Variants in PRPF31 observed in about 807,000 individuals in gnomAD.
PRPF31 encodes the protein U4/U6 small nuclear ribonucleoprotein Prp31.
A neutral mutation model predicts 60.4 loss-of-function variants in PRPF31; 12 were observed. The observed-to-expected ratio is 0.20, with a 90% confidence interval of 0.13 to 0.32. The LOEUF (loss-of-function observed/expected upper bound fraction) is 0.32, where lower values mean the gene tolerates loss of function less well. Ranked by LOEUF, PRPF31 falls within the 10% of genes least tolerant of loss-of-function variation. The pLI, the probability that PRPF31 is intolerant of heterozygous loss-of-function variation, is 1.00. For missense variants in PRPF31, 431 were observed against 687.1 expected (o/e 0.63, Z 4.17); for synonymous variants, 287 against 287.9 (o/e 1.00, Z 0.03).
rs1375222915 is a variant in PRPF31, at chr19:54,118,400, T to C, written c.122T>C (p.Leu41Pro). 6.2e-7 allele frequency: 1 copy of C among 1,614,086 alleles called. No homozygotes were observed. Among genetic ancestry groups the C allele is most frequent in the African/African-American group, 1.3e-5 (1 of 75,008 alleles). ...AIEDVQEETQ[L>P]DLSGDSVKTI... ...GAGGATGTGCAGGAGGAGACACAGC[T>C]GGATCTTTCCGGGGATTCAGTCAAG... The change falls in exon 2 of 14, where the codon CTG becomes CCG. Residue 41 changes from leucine to proline, a missense_variant. Leu to Pro is a moderately conservative substitution (Grantham distance 98). This residue lies in a region of PRPF31 where 113 missense variants were observed against 173.8 expected (regional missense o/e 0.65). Transcript: ENST00000321030.
intron 5 of PRPF31, 49 bp downstream of exon 5, chr19:54,122,643 G>A (rs749327560): frequency 8.1e-6 from 12 of 1,486,118 alleles, no homozygotes; most frequent in African/African-American, 6.9e-5. Context: ...AGGGGCAGGC[G>A]GGGCTCACTC....
At position 54,131,574 on chromosome 19, in the gene PRPF31, G is replaced by GGA; in HGVS notation, c.*143_*144dup. 2.3e-6 allele frequency: 3 copies of GGA among 1,325,838 alleles called. No homozygotes were observed. The highest frequency in any genetic ancestry group is 3.2e-6 in the Non-Finnish European group (3 of 950,340). The allele number at this position is 1,325,838 out of a possible 1,614,324, so 82.1% of individuals were successfully genotyped here. On this transcript the variant is annotated 3_prime_UTR_variant, in exon 14 of 14. Coordinates refer to ENST00000321030, the MANE Select transcript of PRPF31 (RefSeq NM_015629.4). ...TGGGACTGCCCAGGGAGGAGGCCTT[G>GGA]GAAGAGTCCGGCCTGGCCTCCCCCA...
chr19:54,117,875 A>T (rs1418564470), intron 1 of PRPF31, among the ~76,000 whole-genome samples: 2 of 152,114 alleles, frequency 1.3e-5, no homozygotes, highest in African/African-American at 4.8e-5. Context: ...AATAAAGATT[A>T]GCCCCTGGAA....
At chr19:54,122,198 G>T (rs978928283) in intron 4 of PRPF31, 12 of 626,082 alleles carry the variant, frequency 1.9e-5, no homozygotes, top group Non-Finnish European at 3.1e-5. Flanking sequence ...TCGGCCACCT[G>T]CCTCACGGTG....
At chr19:54,127,967 T>A in intron 9 of PRPF31, 106 bp from the exon 10 acceptor site, 1 of 1,470,062 alleles carries the variant, frequency 6.8e-7, no homozygotes, top group Non-Finnish European at 9.3e-7. Context: ...CAGCATTAGG[T>A]GCTGATTTAA....
intron 1 of PRPF31, among the ~76,000 whole-genome samples, chr19:54,116,971 C>T (rs587657358): frequency 2.6e-5 from 4 of 152,208 alleles, no homozygotes; most frequent in African/African-American, 9.6e-5. Context: ...TGGTGCGTGC[C>T]TGTCATCTCA....
chr19:54,115,833 G>A (rs1384373547), intron 1 of PRPF31, 36 bp downstream of exon 1: 1 of 211,716 alleles, frequency 4.7e-6, no homozygotes, highest in East Asian at 7.4e-5. Flanking sequence ...GCGGGAGGCT[G>A]GGCTCCTGGG....
rs1318755712 is a variant in PRPF31, at chr19:54,131,184, G to A, written c.1375-123G>A. On this transcript the variant is annotated intron_variant, in intron 13 of 13. Coordinates refer to ENST00000321030, the MANE Select transcript of PRPF31 (RefSeq NM_015629.4). ...CAAGACAGGGCAACTCCAGGGACAG[G>A]CAAACTGTCTCATGCCCACCAAGGC... 1.6e-5 allele frequency: 22 copies of A among 1,398,872 alleles called. No individual in the cohort carries two copies. The Admixed American group carries it at 3.6e-4, about 23-fold the overall frequency. 86.7% of individuals were successfully genotyped at this position (1,398,872 alleles called of 1,614,324 possible). A position where few individuals can be genotyped will look rare whatever the true frequency, so the allele number is the denominator to read the frequency against.
chr19:54,124,590 G>T lies in PRPF31; in HGVS notation c.789G>T (p.Ser263=), dbSNP rs760581700. The change falls in exon 8 of 14, where the codon TCG becomes TCT. Residue 263 remains serine (S), a synonymous_variant. Transcript: ENST00000321030. ...AGCGCAAGACGCTGTCGGGCTTCTC[G>T]TCTACCTCAGTGCTGCCCCACACCG... The part of the protein sequence containing the change: ...GAQRKTLSGF[S]STSVLPHTGY... 3 of 1,613,474 alleles carry T rather than the reference G, an allele frequency of 1.9e-6. No homozygotes were observed. The highest frequency in any genetic ancestry group is 4.5e-5 in the East Asian group (2 of 44,864).
chr19:54,117,191 A>G (rs1457821179), intron 1 of PRPF31, among the ~76,000 whole-genome samples: 1 of 152,194 alleles, frequency 6.6e-6, no homozygotes, highest in Non-Finnish European at 1.5e-5. Flanking sequence ...GAAGAGACCG[A>G]TAATGTAACC....
chr19:54,129,394 T>C (rs770475034), intron 13 of PRPF31, 24 bp downstream of exon 13: 4 of 1,566,354 alleles, frequency 2.6e-6, no homozygotes, highest in Non-Finnish European at 2.6e-6. Flanking sequence ...GCCGGCTCTG[T>C]CCCCAGCCCT....
intron 13 of PRPF31, among the ~76,000 whole-genome samples, chr19:54,131,046 T>C (rs1600367416): frequency 6.6e-6 from 1 of 152,158 alleles, no homozygotes; most frequent in African/African-American, 2.4e-5. Context: ...TGGGCAGGAT[T>C]GGCTGTCCTC....
At position 54,123,336 on chromosome 19, in the gene PRPF31, CAG is replaced by C. The variant is rs1200330878; in HGVS notation, c.421-114_421-113del. The C allele has an allele frequency of 9.8e-6, 8 of 817,568 alleles. No homozygotes were observed. The African/African-American group carries it at 1.2e-4, about 12-fold the overall frequency. The allele number at this position is 817,568 out of a possible 1,614,324, so 50.6% of individuals were successfully genotyped here. A position where few individuals can be genotyped will look rare whatever the true frequency, so the allele number is the denominator to read the frequency against. On this transcript the variant is annotated intron_variant, in intron 5 of 13. Transcript: ENST00000321030. ...GTGGAGGCAGGAGAGGCCCCCAGTGCAGAGACCCTGACTGTCCCAGTGTCCCT... is the reference window on the plus strand; with the variant it reads ...GTGGAGGCAGGAGAGGCCCCCAGTGCAGACCCTGACTGTCCCAGTGTCCCT...
chr19:54,123,782 G>A lies in PRPF31; in HGVS notation c.561G>A (p.Leu187=), dbSNP rs2073852205. Residue 187 remains leucine (L), a synonymous_variant, in exon 7 of 14, where the codon CTG becomes CTA. Transcript: ENST00000321030. ...TGTCGGAGGAGGAGCTGGAGCGGCT[G>A]GAGGAGGCCTGCGACATGGCGCTGG... ...QQLSEEELER[L]EEACDMALEL... is the part of the protein sequence containing the mutation. 1 of 1,611,848 alleles carries A rather than the reference G, an allele frequency of 6.2e-7. No individual in the cohort carries two copies. Among genetic ancestry groups the A allele is most frequent in the Non-Finnish European group, 8.5e-7 (1 of 1,179,844 alleles).
chr19:54,128,675 C>T (rs985778076), intron 11 of PRPF31, among the ~76,000 whole-genome samples: 5 of 152,140 alleles, frequency 3.3e-5, no homozygotes, highest in African/African-American at 9.7e-5. Context: ...TGCACGGCCG[C>T]CCCGTCCCTG....
rs1432273287 is a variant in PRPF31 at position 54,122,859 on chromosome 19, AGTTGACATCCGAAG to A, written c.420+273_420+286del. 1.7e-5 allele frequency: 10 copies of A among 585,604 alleles called. No homozygotes were observed. In the African/African-American group the frequency reaches 1.9e-4, roughly 11 times the overall value. 36.3% of individuals were successfully genotyped at this position (585,604 alleles called of 1,614,324 possible). ...CTGTGGTTGGAGCCGGTGGCATTGG[AGTTGACATCCGAAG>A]GTTGACACAGGGCAGGCACACGGAG... On this transcript the variant is annotated intron_variant, in intron 5 of 13. Transcript: ENST00000321030.
chr19:54,128,525 C>T (rs1366485866), intron 11 of PRPF31, 148 bp downstream of exon 11: 21 of 853,836 alleles, frequency 2.5e-5, no homozygotes, highest in African/African-American at 1.8e-4. Flanking sequence ...CCTCTATTCT[C>T]GTTTCCATCC....
At chr19:54,122,979 C>T (rs2073830077) in intron 5 of PRPF31, 3 of 455,794 alleles carry the variant, frequency 6.6e-6, no homozygotes, top group South Asian at 2.1e-5. Flanking sequence ...AAGGAGGGGA[C>T]GGGGAAGAGG....
In PRPF31 at chr19:54,118,594, A is replaced by G; in HGVS notation, c.199A>G (p.Ile67Val). 1 of 1,614,052 alleles carries G rather than the reference A, an allele frequency of 6.2e-7. No individual in the cohort carries two copies. ...ACAGTTTGCTGAGATTATGATGAAG[A>G]TTGAGGAGTATATCAGCAAGCAAGC... ...SKMFAEIMMK[I>V]EEYISKQAKA... Residue 67 changes from isoleucine to valine, a missense_variant, in exon 3 of 14, where the codon ATT becomes GTT. Physicochemically the swap from Ile to Val is conservative, Grantham distance 29. Around this residue, in one of 4 missense-constraint regions of PRPF31, gnomAD observed 113 missense variants for 173.8 expected, o/e 0.65. Transcript: ENST00000321030.
Sources: gnomAD v4.1 joint callset for allele counts (sites outside exome capture counted in the v4.1 genomes callset) on GRCh38, gnomAD v4.1.1 for gene constraint, gnomAD v4.1.1 regional missense constraint, MANE v1.5 for transcripts, NCBI Gene and HGNC (gene_info 2026-07-23, HGNC 2026-07-21) for gene names.